ERAP1: variants seen among roughly 807,000 people sequenced by gnomAD.
ERAP1 encodes adipocyte-derived leucine aminopeptidase.
ERAP1 carries 86 observed loss-of-function variants against 103.7 expected under a neutral mutation model. That is an observed-to-expected ratio of 0.83 (90% confidence interval 0.70 to 0.99). ERAP1 has a LOEUF of 0.99. Ranked by LOEUF, ERAP1 falls within the 50% of genes least tolerant of loss-of-function variation. The pLI is 0.00. For synonymous variants in ERAP1, 398 were observed against 402.4 expected, an observed-to-expected ratio of 0.99 and a Z score of 0.13; for missense variants, 1,009 against 1,128.4, an observed-to-expected ratio of 0.89 and a Z score of 1.52.
chr5:96,834,937 G>A, the ERAP1 span, among the ~76,000 whole-genome samples: 1 of 152,042 alleles, frequency 6.6e-6, no homozygotes, highest in Non-Finnish European at 1.5e-5. Context: ...TCTGATTTGG[G>A]GACTGTAAAT....
Position 96,793,898 on chromosome 5 carries a change from A to G in ERAP1, c.979T>C (p.Tyr327His). The part of the protein sequence containing the change: ...GAMENWGLTT[Y>H]RESALLFDAE... ...TCAAACAACAGAGCAGATTCTCTAT[A>G]TGTTGTCAGTCCCCAGTTTTCCATA... is the stretch of plus-strand genomic sequence containing the variant. Residue 327 changes from tyrosine to histidine, a missense_variant, in exon 6 of 19, where the codon TAT becomes CAT. Coordinates refer to ENST00000443439, the MANE Select transcript of ERAP1 (RefSeq NM_001040458.3). 6.2e-7 allele frequency: 1 copy of G among 1,614,088 alleles called. No homozygotes were observed. The highest frequency in any genetic ancestry group is 8.5e-7 in the Non-Finnish European group (1 of 1,179,922).
At chr5:96,894,336 TGTAAA>T in the ERAP1 span, among the ~76,000 whole-genome samples, 2 of 152,312 alleles carry the variant, frequency 1.3e-5, no homozygotes, top group African/African-American at 4.8e-5. Context: ...GCTGCCCACT[TGTAAA>T]GTAATCTGAA....
At chr5:96,780,180 C>CAA (rs1333521333) in intron 18 of ERAP1, among the ~76,000 whole-genome samples, 7 of 152,168 alleles carry the variant, frequency 4.6e-5, no homozygotes, top group Admixed American at 2.0e-4. Flanking sequence ...TAATTTTCTT[C>CAA]AAGTCCTAAG....
At chr5:96,909,419 T>C in the ERAP1 span, among the ~76,000 whole-genome samples, 1 of 152,324 alleles carries the variant, frequency 6.6e-6, no homozygotes, top group South Asian at 2.1e-4. Context: ...CTAAGTATGG[T>C]GGGTAACAGC....
chr5:96,832,391 T>A, the ERAP1 span, among the ~76,000 whole-genome samples: 2 of 152,206 alleles, frequency 1.3e-5, no homozygotes. Flanking sequence ...TAGAATAGAA[T>A]GTTGCACCTA....
At chr5:96,913,334 T>C in the ERAP1 span, 2 of 1,613,870 alleles carry the variant, frequency 1.2e-6, no homozygotes, top group Non-Finnish European at 1.7e-6. Context: ...GAACTAGGAA[T>C]GGAAGGAAAG....
chr5:96,888,994 T>A, the ERAP1 span, among the ~76,000 whole-genome samples: 2 of 152,226 alleles, frequency 1.3e-5, no homozygotes. Flanking sequence ...TCAGGGTGTT[T>A]GTAATTTTCA....
downstream of ERAP1, chr5:96,770,446 G>A (rs1771863760): frequency 4.9e-6 from 4 of 814,852 alleles, no homozygotes; most frequent in South Asian, 4.3e-5. Flanking sequence ...ATCTCAGAAT[G>A]GTCTGGATTA....
the ERAP1 span, chr5:96,913,495 G>C: frequency 6.2e-7 from 1 of 1,609,766 alleles, no homozygotes; most frequent in Admixed American, 1.7e-5. Context: ...GTTCTTCCAT[G>C]CAGATGTCTC....
the ERAP1 span, among the ~76,000 whole-genome samples, chr5:96,904,020 C>T: frequency 1.3e-5 from 2 of 152,164 alleles, no homozygotes; most frequent in Non-Finnish European, 2.9e-5. Context: ...TTATTAGCTG[C>T]TACACCAAAT....
At chr5:96,858,415 A>G in the ERAP1 span, among the ~76,000 whole-genome samples, 1 of 152,056 alleles carries the variant, frequency 6.6e-6, no homozygotes, top group Non-Finnish European at 1.5e-5. Flanking sequence ...GAGTTTCACC[A>G]TGTTGGCCAG....
the ERAP1 span, among the ~76,000 whole-genome samples, chr5:96,844,930 G>C: frequency 1.4e-3 from 185 of 130,978 alleles, no homozygotes; most frequent in African/African-American, 5.5e-3. Context: ...GAGGAGCAGA[G>C]AAGAGTCAGG....
the ERAP1 span, among the ~76,000 whole-genome samples, chr5:96,915,289 G>GT: frequency 6.6e-6 from 1 of 152,132 alleles, no homozygotes; most frequent in South Asian, 2.1e-4. Flanking sequence ...GATTACAGGT[G>GT]TGAGCCACCG....
the ERAP1 span, among the ~76,000 whole-genome samples, chr5:96,930,347 A>G: frequency 1.3e-5 from 2 of 152,138 alleles, no homozygotes; most frequent in Non-Finnish European, 2.9e-5. Context: ...TCATGTTAAC[A>G]CTGCCATTTT....
chr5:96,908,996 T>A, the ERAP1 span: 1 of 1,614,206 alleles, frequency 6.2e-7, no homozygotes, highest in Non-Finnish European at 8.5e-7. Flanking sequence ...GCTCTTGACA[T>A]GACTTACTAC....
intron 11 of ERAP1, among the ~76,000 whole-genome samples, chr5:96,787,055 T>A (rs748554675): frequency 6.6e-6 from 1 of 152,038 alleles, no homozygotes; most frequent in Non-Finnish European, 1.5e-5. Flanking sequence ...CAGAAAAAAA[T>A]GGAGACCAAA....
chr5:96,881,199 A>G, the ERAP1 span: 2 of 345,652 alleles, frequency 5.8e-6, no homozygotes, highest in Non-Finnish European at 5.7e-6. Context: ...GCTCTGATTT[A>G]TGCTTTATAA....
chr5:96,868,355 AC>A, the ERAP1 span, among the ~76,000 whole-genome samples: 1 of 152,158 alleles, frequency 6.6e-6, no homozygotes, highest in Admixed American at 6.6e-5. Flanking sequence ...TGGAAATACA[AC>A]CTACCACTCC....
intron 19 of ERAP1, chr5:96,769,250 A>G (rs890316031): frequency 6.6e-6 from 1 of 152,164 alleles, no homozygotes. Flanking sequence ...CCACTTCAGC[A>G]TCCTATCTCT....
Sources: allele counts gnomAD v4.1 joint callset (sites outside exome capture counted in the v4.1 genomes callset), GRCh38; gene constraint gnomAD v4.1.1; transcripts MANE v1.5; gene names NCBI Gene and HGNC (gene_info 2026-07-23, HGNC 2026-07-21).